The following LRMDA variants were observed in gnomAD, a reference collection of about 807,000 sequenced individuals.
LRMDA encodes the protein leucine rich melanocyte differentiation associated, also known as leucine-rich melanocyte differentiation-associated protein.
LRMDA carries 18 observed loss-of-function variants against 29.8 expected under a neutral mutation model. The ratio of observed to expected loss-of-function variants is 0.60; its 90% confidence interval spans 0.42 to 0.90. The LOEUF is 0.90. LRMDA is among the 40% of genes least tolerant of loss of function. The pLI is 0.00. For missense variants in LRMDA, 273 were observed against 273.9 expected, an observed-to-expected ratio of 1.00 and a Z score of 0.02; for synonymous variants, 125 against 109.4, an observed-to-expected ratio of 1.14 and a Z score of -0.89.
chr10:75,874,175 GTAAGT>G (rs919737731), intron 2 of LRMDA, among the ~76,000 whole-genome samples: 12 of 152,186 alleles, frequency 7.9e-5, no homozygotes, highest in Admixed American at 4.6e-4. Flanking sequence ...ATCAATAAAT[GTAAGT>G]TAATTAAGTA....
At chr10:76,412,334 G>A (rs1278149931) in intron 6 of LRMDA, among the ~76,000 whole-genome samples, 1 of 152,186 alleles carries the variant, frequency 6.6e-6, no homozygotes, top group Non-Finnish European at 1.5e-5. Flanking sequence ...CCTCCCCAAA[G>A]TATTTCGGAA....
intron 2 of LRMDA, among the ~76,000 whole-genome samples, chr10:75,971,384 A>G (rs1355646294): frequency 2.6e-5 from 4 of 152,162 alleles, no homozygotes; most frequent in African/African-American, 9.7e-5. Context: ...TTGTCAATGA[A>G]TGGCTAATGG....
intron 6 of LRMDA, among the ~76,000 whole-genome samples, chr10:76,473,544 G>A (rs540749371): frequency 1.1e-4 from 16 of 151,088 alleles, no homozygotes; most frequent in African/African-American, 3.6e-4. Flanking sequence ...AAATCAACTG[G>A]ATGCAGATTG....
At chr10:75,781,522 C>T (rs887095747) in intron 2 of LRMDA, among the ~76,000 whole-genome samples, 1 of 152,164 alleles carries the variant, frequency 6.6e-6, no homozygotes, top group Non-Finnish European at 1.5e-5. Flanking sequence ...ACAATAACAA[C>T]AGCAAACATT....
At chr10:75,626,864 C>T (rs2132110125) in intron 2 of LRMDA, among the ~76,000 whole-genome samples, 1 of 152,312 alleles carries the variant, frequency 6.6e-6, no homozygotes, top group Non-Finnish European at 1.5e-5. Flanking sequence ...TGACAGCATC[C>T]CTGTCTGGTT....
At chr10:76,160,845 T>C (rs867989061) in intron 5 of LRMDA, among the ~76,000 whole-genome samples, 20 of 152,090 alleles carry the variant, frequency 1.3e-4, no homozygotes, top group African/African-American at 4.8e-4. Context: ...GTAATTTTTA[T>C]TTATGAAAAG....
intron 6 of LRMDA, among the ~76,000 whole-genome samples, chr10:76,430,132 G>A (rs1286124209): frequency 6.6e-6 from 1 of 152,066 alleles, no homozygotes; most frequent in Non-Finnish European, 1.5e-5. Flanking sequence ...GAAATATGTC[G>A]GAAACAAGGT....
intron 5 of LRMDA, among the ~76,000 whole-genome samples, chr10:76,125,066 G>C (rs1849856763): frequency 6.6e-6 from 1 of 152,194 alleles, no homozygotes; most frequent in Non-Finnish European, 1.5e-5. Context: ...GCTCAAAGGG[G>C]ATTTAGAATC....
chr10:76,105,819 T>G (rs1207882920), intron 5 of LRMDA, among the ~76,000 whole-genome samples: 1 of 152,226 alleles, frequency 6.6e-6, no homozygotes, highest in Admixed American at 6.5e-5. Flanking sequence ...TGATCTTGGC[T>G]CACTGCAACC....
chr10:75,703,821 C>T (rs535474882), intron 2 of LRMDA, among the ~76,000 whole-genome samples: 2 of 152,152 alleles, frequency 1.3e-5, no homozygotes, highest in African/African-American at 2.4e-5. Flanking sequence ...TATTTAGGAT[C>T]GGCATGTGGA....
intron 6 of LRMDA, among the ~76,000 whole-genome samples, chr10:76,532,118 C>G (rs1355967590): frequency 6.6e-6 from 1 of 152,078 alleles, no homozygotes; most frequent in African/African-American, 2.4e-5. Flanking sequence ...TGGTGTTTTG[C>G]TGCACCCATC....
intron 2 of LRMDA, among the ~76,000 whole-genome samples, chr10:76,029,260 T>C (rs1462497226): frequency 6.6e-6 from 1 of 152,208 alleles, no homozygotes; most frequent in Non-Finnish European, 1.5e-5. Flanking sequence ...ATATATATCC[T>C]ACCTCATTCT....
chr10:76,221,783 G>A (rs966278366), intron 5 of LRMDA, among the ~76,000 whole-genome samples: 2 of 152,034 alleles, frequency 1.3e-5, no homozygotes, highest in African/African-American at 2.4e-5. Flanking sequence ...AAGCTCATAT[G>A]GAACCAAAAA....
chr10:75,580,349 A>G (rs1840571316), intron 2 of LRMDA, among the ~76,000 whole-genome samples: 1 of 152,194 alleles, frequency 6.6e-6, no homozygotes, highest in Non-Finnish European at 1.5e-5. Context: ...AAATACCAGG[A>G]ATCCAACTTA....
At chr10:75,574,294 T>C (rs761774038) in intron 2 of LRMDA, among the ~76,000 whole-genome samples, 1 of 152,200 alleles carries the variant, frequency 6.6e-6, no homozygotes, top group Non-Finnish European at 1.5e-5. Context: ...TCAATGCTCT[T>C]CTATGTACTA....
At chr10:75,920,972 T>C (rs1280329116) in intron 2 of LRMDA, among the ~76,000 whole-genome samples, 1 of 152,210 alleles carries the variant, frequency 6.6e-6, no homozygotes, top group Non-Finnish European at 1.5e-5. Flanking sequence ...ATTTTGTATG[T>C]GGTCTGTCTA....
chr10:75,621,669 G>A (rs1428182073), intron 2 of LRMDA, among the ~76,000 whole-genome samples: 3 of 152,190 alleles, frequency 2.0e-5, no homozygotes, highest in Non-Finnish European at 4.4e-5. Flanking sequence ...AACCACTGGT[G>A]TTTATATGTC....
intron 2 of LRMDA, among the ~76,000 whole-genome samples, chr10:75,615,462 A>T (rs1841087047): frequency 6.6e-6 from 1 of 152,148 alleles, no homozygotes; most frequent in South Asian, 2.1e-4. Flanking sequence ...GTGCTCAAAA[A>T]TTTTTGGATT....
chr10:76,238,949 A>T (rs1237375115), intron 5 of LRMDA, among the ~76,000 whole-genome samples: 1 of 152,124 alleles, frequency 6.6e-6, no homozygotes, highest in East Asian at 1.9e-4. Flanking sequence ...TGATTTTGTA[A>T]TAATATTGGT....
Sources: allele counts gnomAD v4.1 joint callset (sites outside exome capture counted in the v4.1 genomes callset), GRCh38; gene constraint gnomAD v4.1.1; transcripts MANE v1.5; gene names NCBI Gene and HGNC (gene_info 2026-07-23, HGNC 2026-07-21).